MACROD2: variants seen among roughly 807,000 people sequenced by gnomAD.
MACROD2 encodes the protein mono-ADP ribosylhydrolase 2, also known as ADP-ribose glycohydrolase MACROD2.
Under a neutral mutation model 70.4 loss-of-function variants are expected in MACROD2, and 36 were observed. The observed-to-expected ratio is 0.51, with a 90% CI of 0.39 to 0.68. The LOEUF (loss-of-function observed/expected upper bound fraction) is 0.68. Ranked by LOEUF, MACROD2 falls within the 30% of genes least tolerant of loss-of-function variation. The probability of loss-of-function intolerance (pLI) is 0.00; values close to 1 mark genes in which losing one functional copy is unlikely to be tolerated. For synonymous variants in MACROD2, 172 were observed against 178.8 expected, an observed-to-expected ratio of 0.96 and a Z score of 0.30; for missense variants, 496 against 538.4, an observed-to-expected ratio of 0.92 and a Z score of 0.78.
At chr20:14,691,375 A>AG (rs1416033680) in intron 5 of MACROD2, among the ~76,000 whole-genome samples, 10 of 152,220 alleles carry the variant, frequency 6.6e-5, no homozygotes, top group African/African-American at 2.4e-4. Context: ...TGTTGCCTCA[A>AG]GAGAACATTA....
intron 5 of MACROD2, among the ~76,000 whole-genome samples, chr20:14,773,883 T>A (rs1315033251): frequency 6.6e-6 from 1 of 152,084 alleles, no homozygotes; most frequent in Non-Finnish European, 1.5e-5. Flanking sequence ...TAGCTATACT[T>A]ACTTTTTGGT....
At chr20:15,374,786 A>G (rs1185692230) in intron 6 of MACROD2, among the ~76,000 whole-genome samples, 1 of 152,214 alleles carries the variant, frequency 6.6e-6, no homozygotes, top group African/African-American at 2.4e-5. Flanking sequence ...TACAAGTCAG[A>G]GAACTGGCCA....
intron 6 of MACROD2, among the ~76,000 whole-genome samples, chr20:15,283,720 AG>A (rs975398268): frequency 1.8e-4 from 28 of 152,116 alleles, no homozygotes; most frequent in African/African-American, 6.8e-4. Context: ...AAAAAGAAAA[AG>A]AAAAATACAT....
intron 6 of MACROD2, among the ~76,000 whole-genome samples, chr20:15,258,429 T>C (rs1410458015): frequency 6.6e-6 from 1 of 152,126 alleles, no homozygotes; most frequent in African/African-American, 2.4e-5. Context: ...TTTTATACCA[T>C]ACTTTTACTG....
At chr20:15,493,889 A>T (rs1020978862) in intron 7 of MACROD2, among the ~76,000 whole-genome samples, 2 of 152,226 alleles carry the variant, frequency 1.3e-5, no homozygotes, top group African/African-American at 2.4e-5. Context: ...GTGAAAGGAA[A>T]ATGTCCACCT....
At chr20:14,160,945 G>C (rs558675091) in intron 3 of MACROD2, among the ~76,000 whole-genome samples, 32 of 152,158 alleles carry the variant, frequency 2.1e-4, no homozygotes, top group Non-Finnish European at 3.2e-4. Flanking sequence ...CACCCACATA[G>C]TGAACATTGT....
At chr20:14,617,720 T>C (rs1004146950) in intron 4 of MACROD2, among the ~76,000 whole-genome samples, 1 of 152,164 alleles carries the variant, frequency 6.6e-6, no homozygotes, top group Non-Finnish European at 1.5e-5. Flanking sequence ...TATTTTTTAA[T>C]GCTACTTTCC....
intron 5 of MACROD2, among the ~76,000 whole-genome samples, chr20:15,054,634 T>G (rs1185157512): frequency 2.6e-5 from 4 of 152,174 alleles, no homozygotes; most frequent in Admixed American, 2.0e-4. Flanking sequence ...TTTATTGTGG[T>G]GGTCTGGAAT....
intron 5 of MACROD2, among the ~76,000 whole-genome samples, chr20:14,880,818 G>A (rs1409722254): frequency 6.6e-6 from 1 of 152,114 alleles, no homozygotes; most frequent in Non-Finnish European, 1.5e-5. Flanking sequence ...ATGATTTTGG[G>A]CCTCAGAACA....
chr20:15,381,374 G>A (rs1300134416), intron 6 of MACROD2, among the ~76,000 whole-genome samples: 1 of 151,692 alleles, frequency 6.6e-6, no homozygotes, highest in African/African-American at 2.4e-5. Flanking sequence ...ACAACTGGGG[G>A]AGGGGATACT....
At chr20:15,927,668 C>T (rs932004654) in intron 10 of MACROD2, among the ~76,000 whole-genome samples, 29 of 152,146 alleles carry the variant, frequency 1.9e-4, no homozygotes, top group African/African-American at 6.8e-4. Context: ...ATTCACTGCA[C>T]ACCTTTTTAT....
intron 3 of MACROD2, among the ~76,000 whole-genome samples, chr20:14,216,012 T>A (rs1481158397): frequency 6.6e-6 from 1 of 152,202 alleles, no homozygotes; most frequent in African/African-American, 2.4e-5. Context: ...CTCTTTAGTT[T>A]AATTAAGTCC....
At chr20:15,519,055 T>TTTCCTTCCTTCCTTCCTTCC (rs373164988) in intron 8 of MACROD2, among the ~76,000 whole-genome samples, 61 of 116,418 alleles carry the variant, frequency 5.2e-4, no homozygotes, top group East Asian at 2.0e-3. Flanking sequence ...TAACTCGCTC[T>TTTCCTTCCTTCCTTCCTTCC]TTCCTTCCTT....
At chr20:14,374,103 G>T (rs1201481838) in intron 3 of MACROD2, among the ~76,000 whole-genome samples, 1 of 152,010 alleles carries the variant, frequency 6.6e-6, no homozygotes, top group African/African-American at 2.4e-5. Flanking sequence ...ATAAATTATT[G>T]TAAGGAATAT....
chr20:14,020,198 C>T (rs917576950), intron 2 of MACROD2, among the ~76,000 whole-genome samples: 6 of 152,150 alleles, frequency 3.9e-5, no homozygotes, highest in African/African-American at 1.4e-4. Context: ...GTCAGCCGGG[C>T]GCGGTGGCTC....
chr20:15,557,894 A>G (rs1015965308), intron 8 of MACROD2, among the ~76,000 whole-genome samples: 1 of 152,146 alleles, frequency 6.6e-6, no homozygotes, highest in Non-Finnish European at 1.5e-5. Flanking sequence ...GTTATGTAGG[A>G]GTCATCAACT....
At chr20:15,407,175 C>G (rs1361938096) in intron 6 of MACROD2, among the ~76,000 whole-genome samples, 1 of 152,166 alleles carries the variant, frequency 6.6e-6, no homozygotes, top group Non-Finnish European at 1.5e-5. Context: ...TGGAGACTTC[C>G]TGCAACTCAG....
In MACROD2 at chr20:15,116,474, C is replaced by G. The variant is rs141112660; in HGVS notation, c.419-113466C>G. On this transcript the variant is annotated intron_variant, in intron 5 of 17. Coordinates refer to ENST00000684519, the MANE Select transcript of MACROD2 (RefSeq NM_001351661.2). Reference sequence around the variant, plus strand: ...CCTGATCAACATAGAGAAACCCCATCTCTACTAAAAATACAAAAAAATTAG... The same window carrying G: ...CCTGATCAACATAGAGAAACCCCATGTCTACTAAAAATACAAAAAAATTAG... Among the ~76,000 whole-genome samples the G allele has an allele frequency of 8.0e-3, 1,214 of 152,272 alleles. 19 individuals carry two copies. The highest frequency in any genetic ancestry group is 0.028 in the African/African-American group (1,152 of 41,550).
At chr20:16,045,578 G>T (rs927944591) in intron 17 of MACROD2, among the ~76,000 whole-genome samples, 6 of 152,028 alleles carry the variant, frequency 3.9e-5, no homozygotes, top group African/African-American at 1.2e-4. Context: ...CTGCAGCAAG[G>T]GTTCAAGGGG....
Sources: gnomAD v4.1 joint callset for allele counts (sites outside exome capture counted in the v4.1 genomes callset) on GRCh38, gnomAD v4.1.1 for gene constraint, MANE v1.5 for transcripts, NCBI Gene and HGNC (gene_info 2026-07-23, HGNC 2026-07-21) for gene names.